PECAM1: variants seen among roughly 807,000 people sequenced by gnomAD.
The protein encoded by PECAM1 is platelet and endothelial cell adhesion molecule 1.
A neutral mutation model predicts 13.8 loss-of-function variants in PECAM1; 8 were observed. The observed-to-expected ratio is 0.58, with a 90% CI of 0.34 to 1.05. The LOEUF is 1.05. Ranked by LOEUF, PECAM1 falls within the 50% of genes least tolerant of loss-of-function variation. The probability of loss-of-function intolerance (pLI) is 0.03; values close to 1 mark genes in which losing one functional copy is unlikely to be tolerated. For missense variants in PECAM1, 304 were observed against 141.2 expected (o/e 2.15, Z -5.84); for synonymous variants, 136 against 52.6 (o/e 2.58, Z -6.86).
chr17:64,376,053 C>T (rs933812897), intron 3 of PECAM1, among the ~76,000 whole-genome samples: 4 of 151,830 alleles, frequency 2.6e-5, no homozygotes, highest in Non-Finnish European at 5.9e-5. Context: ...TCTGTAATCT[C>T]AACACTTTGG....
In PECAM1 at chr17:64,350,398, G is replaced by A. The variant is rs949829987; in HGVS notation, c.2026C>T (p.Pro676Ser). Residue 676 changes from proline (P) to serine (S), a missense_variant, in exon 12 of 16, where the codon CCA becomes TCA. Coordinates refer to ENST00000563924, the MANE Select transcript of PECAM1 (RefSeq NM_000442.5). ...TAATTACCTTTATTATCATTTATTG[G>A]TTTCATTGCATGGTTTCTGACATCG... ...NDDVRNHAMK[P>S]INDNKEPLNS... is the part of the protein sequence containing the mutation. 5 of 424,510 alleles carry A rather than the reference G, an allele frequency of 1.2e-5. No homozygotes were observed. Among genetic ancestry groups the A allele is most frequent in the African/African-American group, 4.1e-5 (2 of 49,100 alleles). The allele number at this position is 424,510 out of a possible 1,614,324, so 26.3% of individuals were successfully genotyped here. A position where few individuals can be genotyped will look rare whatever the true frequency, so the allele number is the denominator to read the frequency against.
At chr17:64,327,730 G>A (rs2034996208) in intron 15 of PECAM1, among the ~76,000 whole-genome samples, 2 of 152,186 alleles carry the variant, frequency 1.3e-5, no homozygotes, top group Non-Finnish European at 2.9e-5. Flanking sequence ...AAGTCAGAAT[G>A]TGCCATTGAA....
At chr17:64,368,098 C>T (rs2036153849) in intron 5 of PECAM1, among the ~76,000 whole-genome samples, 1 of 152,150 alleles carries the variant, frequency 6.6e-6, no homozygotes, top group Admixed American at 6.5e-5. Flanking sequence ...AACCCCTTCA[C>T]CGTGCAACCA....
Position 64,375,330 on chromosome 17 carries a change from C to A in PECAM1, c.412G>T (p.Asp138Tyr). 2.1e-6 allele frequency: 1 copy of A among 473,566 alleles called. No individual in the cohort carries two copies. The highest frequency in any genetic ancestry group is 3.9e-6 in the Non-Finnish European group (1 of 258,522). 29.3% of individuals were successfully genotyped at this position (473,566 alleles called of 1,614,324 possible). The change falls in exon 4 of 16, where the codon GAC becomes TAC. Residue 138 changes from aspartate (D) to tyrosine (Y), a missense_variant. Coordinates refer to ENST00000563924, the MANE Select transcript of PECAM1 (RefSeq NM_000442.5). Reference protein sequence around the residue: ...EGVPSPRVTLDKKEAIQGGIV... With the variant: ...EGVPSPRVTLYKKEAIQGGIV... The stretch of plus-strand genomic sequence containing the variant: ...CCACCTTGGATGGCCTCTTTCTTGT[C>A]CAGTGTCACCCTGGGACTGGGCACT...
At position 64,323,706 on chromosome 17, in the gene PECAM1, G is replaced by A; in HGVS notation, c.*110C>T. ...GCCTGAGGAATTGCTGTGTTCTGTG[G>A]GAGCAGGGCAGGTTCATAAATAAGT... On this transcript the variant is annotated 3_prime_UTR_variant, in exon 16 of 16. Coordinates refer to ENST00000563924, the MANE Select transcript of PECAM1 (RefSeq NM_000442.5). 1.3e-6 allele frequency: 2 copies of A among 1,550,228 alleles called. No individual in the cohort carries two copies. The highest frequency in any genetic ancestry group is 8.8e-7 in the Non-Finnish European group (1 of 1,141,100).
intron 2 of PECAM1, chr17:64,390,145 A>G (rs28695850): frequency 6.0e-4 from 175 of 290,774 alleles, no homozygotes; most frequent in African/African-American, 3.6e-3. Context: ...ACTTTGCAAC[A>G]ACCTAATATA....
chr17:64,388,346 G>A (rs2036644304), intron 2 of PECAM1, among the ~76,000 whole-genome samples: 1 of 152,078 alleles, frequency 6.6e-6, no homozygotes, highest in Non-Finnish European at 1.5e-5. Flanking sequence ...AGAGTGGGTA[G>A]GGCAGGAGTC....
intron 2 of PECAM1, among the ~76,000 whole-genome samples, chr17:64,389,443 C>G (rs1300395436): frequency 1.3e-5 from 2 of 152,154 alleles, no homozygotes; most frequent in African/African-American, 4.8e-5. Context: ...ATAGGCAGCA[C>G]CCCACTTCCC....
rs938551583 is a variant in PECAM1 at position 64,336,772 on chromosome 17, C to T, written c.2164+4862G>A. On this transcript the variant is annotated intron_variant, in intron 14 of 15. Coordinates refer to ENST00000563924, the MANE Select transcript of PECAM1 (RefSeq NM_000442.5). ...TCTCCAGAGGCTGAGGCGGGAGGATCGCTTGAGCCCAGGAGGTGGAGGCTG... is the reference window on the plus strand; with the variant it reads ...TCTCCAGAGGCTGAGGCGGGAGGATTGCTTGAGCCCAGGAGGTGGAGGCTG... Among the ~76,000 whole-genome samples the T allele has an allele frequency of 5.4e-4, 82 of 151,948 alleles. No individual in the cohort carries two copies. The East Asian group carries it at 9.1e-3, about 17-fold the overall frequency.
chr17:64,344,032 C>T (rs1162027010), intron 13 of PECAM1, among the ~76,000 whole-genome samples: 2 of 152,200 alleles, frequency 1.3e-5, no homozygotes, highest in Non-Finnish European at 2.9e-5. Context: ...GACAGGTGCA[C>T]AAACAACGCA....
rs969250116 is a variant in PECAM1, at chr17:64,360,435, A to G, written c.1217-20T>C. On this transcript the variant is annotated intron_variant, in intron 6 of 15. Coordinates refer to ENST00000563924, the MANE Select transcript of PECAM1 (RefSeq NM_000442.5). ...GCATTTCTAGAACAGAGGGAGAAAC[A>G]ATCCAAAAGGCACTGAAGGTAAAAG... The G allele has an allele frequency of 1.0e-4, 49 of 474,726 alleles. No individual in the cohort carries two copies. Among genetic ancestry groups the G allele is most frequent in the African/African-American group, 8.9e-4 (45 of 50,642 alleles). 29.4% of individuals were successfully genotyped at this position (474,726 alleles called of 1,614,324 possible). A position where few individuals can be genotyped will look rare whatever the true frequency, so the allele number is the denominator to read the frequency against.
At chr17:64,329,918 A>T (rs55729114) in intron 14 of PECAM1, among the ~76,000 whole-genome samples, 196 bp from the exon 15 acceptor site, 1 of 152,088 alleles carries the variant, frequency 6.6e-6, no homozygotes, top group Non-Finnish European at 1.5e-5. Flanking sequence ...CTAGCTCCAC[A>T]TGACATGCGC....
At chr17:64,355,101 AAAT>A (rs1354354747) in intron 8 of PECAM1, 61 bp from the exon 9 acceptor site, 3 of 452,718 alleles carry the variant, frequency 6.6e-6, no homozygotes, top group African/African-American at 2.0e-5. Context: ...TGCCAGGAAG[AAAT>A]AATATCAGGC....
At chr17:64,380,010 G>A (rs1223706418) in intron 2 of PECAM1, among the ~76,000 whole-genome samples, 2 of 147,478 alleles carry the variant, frequency 1.4e-5, no homozygotes, top group South Asian at 4.3e-4. Context: ...AGGTGACAGA[G>A]TGAGATCCTG....
intron 9 of PECAM1, 141 bp downstream of exon 9, chr17:64,354,792 T>G: frequency 2.4e-6 from 1 of 411,338 alleles, no homozygotes; most frequent in South Asian, 1.4e-4. Context: ...CAAATTTATC[T>G]TTTCTGGTTT....
At chr17:64,353,325 AC>A (rs2035772419) in intron 10 of PECAM1, among the ~76,000 whole-genome samples, 165 bp downstream of exon 10, 1 of 151,654 alleles carries the variant, frequency 6.6e-6, no homozygotes, top group Admixed American at 6.6e-5. Context: ...ACACACACAC[AC>A]ACACACACAC....
rs1465226829 is a variant in PECAM1 at position 64,321,149 on chromosome 17, G to A, written c.*2667C>T. 6.6e-6 allele frequency: 1 copy of A among 152,212 alleles called. No individual in the cohort carries two copies. The highest frequency in any genetic ancestry group is 1.9e-4 in the East Asian group (1 of 5,192). 9.4% of individuals were successfully genotyped at this position (152,212 alleles called of 1,614,324 possible). ...CATGAAATGGGTGGCTGACCTCTTG[G>A]GGTCAGAAGAGGGAAAAGTTTTACT... On this transcript the variant is annotated 3_prime_UTR_variant, in exon 16 of 16. Coordinates refer to ENST00000563924, the MANE Select transcript of PECAM1 (RefSeq NM_000442.5).
intron 2 of PECAM1, chr17:64,378,664 T>C (rs1268956463): frequency 6.6e-6 from 1 of 151,214 alleles, no homozygotes; most frequent in African/African-American, 2.4e-5. Flanking sequence ...AAAAAAGATA[T>C]AGGCATTCTG....
In PECAM1 at chr17:64,322,918, G is replaced by A. The variant is rs1555644748; in HGVS notation, c.*898C>T. 1 of 411,348 alleles carries A rather than the reference G, an allele frequency of 2.4e-6. No individual in the cohort carries two copies. The highest frequency in any genetic ancestry group is 3.3e-6 in the Non-Finnish European group (1 of 305,296). 25.5% of individuals were successfully genotyped at this position (411,348 alleles called of 1,614,324 possible). A position where few individuals can be genotyped will look rare whatever the true frequency, so the allele number is the denominator to read the frequency against. The stretch of plus-strand genomic sequence containing the variant: ...TTTAGTAGAGACAGGGTTTCATCAG[G>A]CTGGTCTCAAACTCCTGACCTCAGG... On this transcript the variant is annotated 3_prime_UTR_variant, in exon 16 of 16. Coordinates refer to ENST00000563924, the MANE Select transcript of PECAM1 (RefSeq NM_000442.5).
Sources: gnomAD v4.1 joint callset for allele counts (sites outside exome capture counted in the v4.1 genomes callset) on GRCh38, gnomAD v4.1.1 for gene constraint, MANE v1.5 for transcripts, NCBI Gene and HGNC (gene_info 2026-07-23, HGNC 2026-07-21) for gene names.